MAST4: variants seen among roughly 807,000 people sequenced by gnomAD.
The protein encoded by MAST4 is microtubule-associated serine/threonine-protein kinase 4.
A neutral mutation model predicts 162.7 loss-of-function variants in MAST4; 89 were observed. That is an observed-to-expected ratio of 0.55 (90% confidence interval 0.46 to 0.65). The LOEUF is 0.65. Ranked by LOEUF, MAST4 falls within the 30% of genes least tolerant of loss-of-function variation. The probability of loss-of-function intolerance (pLI) is 0.00; values close to 1 mark genes in which losing one functional copy is unlikely to be tolerated. For missense variants in MAST4, 3,153 were observed against 3,374.0 expected, an observed-to-expected ratio of 0.93 and a Z score of 1.62; for synonymous variants, 1,479 against 1,361.1, an observed-to-expected ratio of 1.09 and a Z score of -1.91.
chr5:66,687,582 GTATA>G (rs564626016), intron 1 of MAST4, among the ~76,000 whole-genome samples: 2 of 147,968 alleles, frequency 1.4e-5, no homozygotes, highest in South Asian at 2.1e-4. Flanking sequence ...ATGTATATGT[GTATA>G]TATATACATA....
intron 7 of MAST4, among the ~76,000 whole-genome samples, chr5:67,099,010 C>A (rs1764737237): frequency 6.6e-6 from 1 of 152,084 alleles, no homozygotes; most frequent in African/African-American, 2.4e-5. Context: ...AACTTAGGAA[C>A]AAACTTCTGA....
At chr5:66,796,230 G>A (rs1177918053) in intron 3 of MAST4, among the ~76,000 whole-genome samples, 1 of 152,174 alleles carries the variant, frequency 6.6e-6, no homozygotes, top group Non-Finnish European at 1.5e-5. Context: ...TATTCTGATT[G>A]TAAACATGGC....
chr5:66,725,169 TA>T (rs1466245194), intron 1 of MAST4, among the ~76,000 whole-genome samples: 1 of 152,128 alleles, frequency 6.6e-6, no homozygotes, highest in Non-Finnish European at 1.5e-5. Context: ...TATACTTTTT[TA>T]AAAAAATCAA....
chr5:67,098,656 A>T (rs1465546367), intron 7 of MAST4, among the ~76,000 whole-genome samples: 1 of 152,178 alleles, frequency 6.6e-6, no homozygotes, highest in Non-Finnish European at 1.5e-5. Flanking sequence ...GACTCAGAAC[A>T]TGGTTTTGGA....
At chr5:66,721,270 T>TC (rs1321312884) in intron 1 of MAST4, among the ~76,000 whole-genome samples, 5 of 152,040 alleles carry the variant, frequency 3.3e-5, no homozygotes, top group Admixed American at 3.3e-4. Context: ...CAAATTCACC[T>TC]CCCCCTGCTC....
Position 66,602,315 on chromosome 5 carries a change from G to A in MAST4, c.363+5297G>A, listed in dbSNP as rs373890858. On this transcript the variant is annotated intron_variant, in intron 1 of 28. Transcript: ENST00000403625. ...AAGTGTGGTGTTTGGGTACTAACAC[G>A]CATTACCAGTCTTTCTTGGATTTTC... Among the ~76,000 whole-genome samples the A allele has an allele frequency of 8.5e-4, 130 of 152,206 alleles. 1 individual carries two copies. Among genetic ancestry groups the A allele is most frequent in the South Asian group, 5.0e-3 (24 of 4,818 alleles).
intron 1 of MAST4, among the ~76,000 whole-genome samples, chr5:66,697,532 A>G (rs1042316546): frequency 6.6e-6 from 1 of 152,158 alleles, no homozygotes; most frequent in Admixed American, 6.5e-5. Flanking sequence ...ACTTTTTGCA[A>G]CCACATGTGT....
At chr5:66,775,751 A>G (rs897547396) in intron 2 of MAST4, among the ~76,000 whole-genome samples, 1 of 152,158 alleles carries the variant, frequency 6.6e-6, no homozygotes, top group Non-Finnish European at 1.5e-5. Context: ...AGCAGGTTAC[A>G]CAGTTCCTAA....
chr5:66,730,051 T>C (rs1751747175), intron 1 of MAST4, among the ~76,000 whole-genome samples: 1 of 152,190 alleles, frequency 6.6e-6, no homozygotes, highest in South Asian at 2.1e-4. Flanking sequence ...TCTTTTGTCT[T>C]AATGTTAATT....
chr5:66,914,136 C>T (rs114141109), intron 4 of MAST4, among the ~76,000 whole-genome samples: 2,192 of 150,982 alleles, frequency 0.015, 18 homozygotes, highest in Middle Eastern at 0.021. Flanking sequence ...TTGTCAGCTT[C>T]TACAAAAAAA....
At chr5:67,130,102 T>C in intron 14 of MAST4, 108 bp from the exon 15 acceptor site, 2 of 975,062 alleles carry the variant, frequency 2.1e-6, no homozygotes, top group South Asian at 3.3e-5. Flanking sequence ...ACATTCCACC[T>C]GCTGTGAGAA....
chr5:67,163,829 C>T lies in MAST4; in HGVS notation c.4650C>T (p.Ser1550=), dbSNP rs534096636. 3 of 1,613,430 alleles carry T rather than the reference C, an allele frequency of 1.9e-6. No homozygotes were observed. The African/African-American group carries it at 4.0e-5, about 21-fold the overall frequency. ...ACGGCTTCCCAGAGAAACAGGAATCCCACCAGAAATCCCATGGACCCGGGA... is the reference window on the plus strand; with the variant it reads ...ACGGCTTCCCAGAGAAACAGGAATCTCACCAGAAATCCCATGGACCCGGGA... ...KADGFPEKQE[S]HQKSHGPGSD... The change falls in exon 29 of 29, where the codon TCC becomes TCT. Residue 1550 remains serine (S), a synonymous_variant. Transcript: ENST00000403625. The surrounding 1 kb of genome is among the most constrained non-coding windows in gnomAD (Gnocchi z 7.0).
chr5:67,092,884 G>T (rs950378749), intron 6 of MAST4, among the ~76,000 whole-genome samples: 2 of 152,068 alleles, frequency 1.3e-5, no homozygotes, highest in Non-Finnish European at 2.9e-5. Flanking sequence ...CTCCCTTTCT[G>T]TTTTTATTCA....
chr5:66,854,262 G>T (rs532759281), intron 3 of MAST4, among the ~76,000 whole-genome samples: 1 of 152,238 alleles, frequency 6.6e-6, no homozygotes, highest in East Asian at 1.9e-4. Flanking sequence ...GACACTCTTT[G>T]CCTAGACTAT....
At chr5:66,619,788 G>A (rs961278819) in intron 1 of MAST4, among the ~76,000 whole-genome samples, 1 of 151,740 alleles carries the variant, frequency 6.6e-6, no homozygotes, top group Non-Finnish European at 1.5e-5. Flanking sequence ...AAATAATTTA[G>A]ATTTAATTTT....
At chr5:66,678,479 G>A (rs1176981327) in intron 1 of MAST4, among the ~76,000 whole-genome samples, 2 of 151,816 alleles carry the variant, frequency 1.3e-5, no homozygotes, top group Non-Finnish European at 2.9e-5. Flanking sequence ...CATTTCATAA[G>A]GTGTGTACAT....
At chr5:66,831,336 C>T (rs979794457) in intron 3 of MAST4, among the ~76,000 whole-genome samples, 4 of 152,088 alleles carry the variant, frequency 2.6e-5, no homozygotes, top group Admixed American at 1.3e-4. Flanking sequence ...TTTTTAAAAG[C>T]ATCTGTGCAT....
At chr5:66,959,900 T>TG (rs1386288362) in intron 4 of MAST4, among the ~76,000 whole-genome samples, 1 of 152,188 alleles carries the variant, frequency 6.6e-6, no homozygotes, top group African/African-American at 2.4e-5. Flanking sequence ...GACTGCCTTG[T>TG]GATGTGATGT....
intron 4 of MAST4, among the ~76,000 whole-genome samples, chr5:66,930,140 C>T (rs941806534): frequency 7.2e-5 from 11 of 152,142 alleles, no homozygotes; most frequent in Admixed American, 2.0e-4. Flanking sequence ...GTATCTTTTC[C>T]CCAAAGCATC....
Sources: gnomAD v4.1 joint callset for allele counts (sites outside exome capture counted in the v4.1 genomes callset) on GRCh38, gnomAD v4.1.1 for gene constraint, Gnocchi (gnomAD v3.1) non-coding constraint, MANE v1.5 for transcripts, NCBI Gene and HGNC (gene_info 2026-07-23, HGNC 2026-07-21) for gene names.